Variants in PATJ observed in about 807,000 individuals in gnomAD.
PATJ encodes the protein inaD-like protein.
Under a neutral mutation model 224.9 loss-of-function variants are expected in PATJ, and 190 were observed. That is an observed-to-expected ratio of 0.84 (90% confidence interval 0.75 to 0.95). PATJ has a LOEUF of 0.95. Ranked by LOEUF, PATJ falls within the 40% of genes least tolerant of loss-of-function variation. PATJ has a pLI of 0.00. For synonymous variants in PATJ, 769 were observed against 820.3 expected, an observed-to-expected ratio of 0.94 and a Z score of 1.07; for missense variants, 2,121 against 2,270.3, an observed-to-expected ratio of 0.93 and a Z score of 1.34.
At chr1:61,949,779 G>A (rs1048700468) in intron 27 of PATJ, among the ~76,000 whole-genome samples, 3 of 151,954 alleles carry the variant, frequency 2.0e-5, no homozygotes, top group Non-Finnish European at 4.4e-5. Context: ...GGGGGCATAT[G>A]CCTGTAATAC....
intron 30 of PATJ, among the ~76,000 whole-genome samples, chr1:62,043,001 A>C (rs182027479): frequency 4.6e-4 from 70 of 152,310 alleles, no homozygotes; most frequent in African/African-American, 1.6e-3. Context: ...ATCGCAGAGA[A>C]CAAAATTGTT....
intron 13 of PATJ, 98 bp from the exon 14 acceptor site, chr1:61,808,376 A>G: frequency 1.4e-6 from 1 of 715,506 alleles, no homozygotes; most frequent in Non-Finnish European, 2.5e-6. Context: ...GGTCAAATAG[A>G]GTTATCAATA....
rs530345428 is a variant in PATJ at position 61,817,318 on chromosome 1, A to G, written c.1684-5627A>G. ...GGTGACTGAAGAGAACTTTCAATTT[A>G]CTACTGTATAACAGAGTACCTGTTA... On this transcript the variant is annotated intron_variant, in intron 14 of 43. Coordinates refer to ENST00000642238, the MANE Select transcript of PATJ (RefSeq NM_001350145.3). Among the ~76,000 whole-genome samples, 26 of 152,350 alleles carry G rather than the reference A, an allele frequency of 1.7e-4. 1 individual carries two copies. The highest frequency in any genetic ancestry group is 3.2e-4 in the Non-Finnish European group (22 of 68,036).
intron 7 of PATJ, among the ~76,000 whole-genome samples, chr1:61,785,117 ACTT>A (rs1648231483): frequency 6.6e-6 from 1 of 152,172 alleles, no homozygotes; most frequent in Non-Finnish European, 1.5e-5. Flanking sequence ...TTTTTAAAAA[ACTT>A]CTTCCTTCAG....
intron 31 of PATJ, chr1:62,072,681 G>A (rs777502901): frequency 6.7e-6 from 1 of 148,850 alleles, no homozygotes; most frequent in Non-Finnish European, 1.5e-5. Context: ...GATTAGCAGT[G>A]AGATCATGCC....
intron 35 of PATJ, among the ~76,000 whole-genome samples, chr1:62,115,145 TA>T (rs561648622): frequency 6.6e-6 from 1 of 151,804 alleles, no homozygotes; most frequent in Admixed American, 6.6e-5. Context: ...CCATCTCTAC[TA>T]AAAAATACAA....
intron 31 of PATJ, among the ~76,000 whole-genome samples, chr1:62,076,608 T>G (rs1334097653): frequency 6.6e-6 from 1 of 152,220 alleles, no homozygotes; most frequent in Non-Finnish European, 1.5e-5. Flanking sequence ...GCTTCCTTAT[T>G]GTTAAATTGA....
intron 1 of PATJ, among the ~76,000 whole-genome samples, chr1:61,752,311 CTTT>C (rs370759266): frequency 5.6e-5 from 7 of 124,040 alleles, no homozygotes; most frequent in Admixed American, 3.5e-4. Flanking sequence ...TCATTTCTTT[CTTT>C]TTTTTTTTTT....
At chr1:61,811,966 CA>C (rs1266337397) in intron 14 of PATJ, among the ~76,000 whole-genome samples, 2 of 151,208 alleles carry the variant, frequency 1.3e-5, no homozygotes, top group Non-Finnish European at 2.9e-5. Flanking sequence ...GAGGCTGGGG[CA>C]AGAGAATGGC....
chr1:61,879,499 CTAAG>C (rs1207492708), intron 21 of PATJ, among the ~76,000 whole-genome samples: 1 of 152,122 alleles, frequency 6.6e-6, no homozygotes, highest in African/African-American at 2.4e-5. Flanking sequence ...CTGCCCACTT[CTAAG>C]ATGGGAGAGA....
chr1:61,986,520 A>G (rs1311285323), intron 27 of PATJ, among the ~76,000 whole-genome samples: 1 of 152,036 alleles, frequency 6.6e-6, no homozygotes, highest in Non-Finnish European at 1.5e-5. Flanking sequence ...TCCTGGACTT[A>G]ATGATCCTCC....
intron 33 of PATJ, among the ~76,000 whole-genome samples, chr1:62,103,199 G>T (rs1662441363): frequency 6.6e-6 from 1 of 152,138 alleles, no homozygotes; most frequent in Non-Finnish European, 1.5e-5. Flanking sequence ...ATTCAAAACA[G>T]ATGAGAAGCT....
At chr1:61,796,704 TTC>T (rs751224552) in intron 10 of PATJ, among the ~76,000 whole-genome samples, 1,962 of 57,872 alleles carry the variant, frequency 0.034, 48 homozygotes, top group African/African-American at 0.08. Context: ...CTTTCTTTCT[TTC>T]TTTCTTTCTT....
At position 61,990,162 on chromosome 1, in the gene PATJ, T is replaced by C; in HGVS notation, c.3671-6T>C. ...CTATTTAATTTTAAAAAAATTCTTT[T>C]AATAGAAAAAATCAGACAAAGATAT... On this transcript the variant is annotated splice_region_variant and splice_polypyrimidine_tract_variant and intron_variant, in intron 27 of 43. Transcript: ENST00000642238. 1 of 1,581,538 alleles carries C rather than the reference T, an allele frequency of 6.3e-7. No individual in the cohort carries two copies. Among genetic ancestry groups the C allele is most frequent in the East Asian group, 2.3e-5 (1 of 43,848 alleles).
chr1:61,819,656 A>G (rs1169402146), intron 14 of PATJ, among the ~76,000 whole-genome samples: 1 of 152,180 alleles, frequency 6.6e-6, no homozygotes, highest in African/African-American at 2.4e-5. Flanking sequence ...AATTTGTAGC[A>G]TGTACCAATA....
chr1:62,070,891 A>G (rs1657269750), intron 31 of PATJ, among the ~76,000 whole-genome samples: 1 of 152,174 alleles, frequency 6.6e-6, no homozygotes, highest in African/African-American at 2.4e-5. Flanking sequence ...TTGTAAACCA[A>G]TGGGGAATTA....
Position 61,771,096 on chromosome 1 carries a change from G to A in PATJ, c.525-335G>A, listed in dbSNP as rs1646578213. ...TATGGGTAGAGATCAGATTGGAAGGGGTTCGGGAGGTTTGGGTTCATGCAG... is the reference window on the plus strand; with the variant it reads ...TATGGGTAGAGATCAGATTGGAAGGAGTTCGGGAGGTTTGGGTTCATGCAG... On this transcript the variant is annotated intron_variant, in intron 5 of 43. Transcript: ENST00000642238. Among the ~76,000 whole-genome samples the A allele has an allele frequency of 2.0e-5, 3 of 151,998 alleles. No homozygotes were observed. The South Asian group carries it at 6.2e-4, about 32-fold the overall frequency.
At chr1:61,872,293 C>T (rs1222299170) in intron 20 of PATJ, among the ~76,000 whole-genome samples, 1 of 152,108 alleles carries the variant, frequency 6.6e-6, no homozygotes, top group African/African-American at 2.4e-5. Context: ...TTCTATGTTC[C>T]TTAGGCTCCA....
At chr1:61,819,976 A>G (rs1656921488) in intron 14 of PATJ, among the ~76,000 whole-genome samples, 1 of 152,180 alleles carries the variant, frequency 6.6e-6, no homozygotes, top group Admixed American at 6.5e-5. Flanking sequence ...AAAAATAATT[A>G]GGAAGTGATG....
Sources: allele counts gnomAD v4.1 joint callset (sites outside exome capture counted in the v4.1 genomes callset), GRCh38; gene constraint gnomAD v4.1.1; transcripts MANE v1.5; gene names NCBI Gene and HGNC (gene_info 2026-07-23, HGNC 2026-07-21).